MICU1: variants seen among roughly 807,000 people sequenced by gnomAD.
MICU1 encodes the protein mitochondrial calcium uptake 1.
A neutral mutation model predicts 56.8 loss-of-function variants in MICU1; 45 were observed. The observed-to-expected ratio is 0.79, with a 90% confidence interval of 0.62 to 1.02. The LOEUF is 1.02. Among genes scored for constraint, MICU1 ranks in the 50% least tolerant of loss-of-function variants. MICU1 has a pLI of 0.00. For missense variants in MICU1, 504 were observed against 587.1 expected (o/e 0.86, Z 1.46); for synonymous variants, 186 against 195.1 (o/e 0.95, Z 0.39).
chr10:72,513,491 TCTC>T (rs1867548686), intron 5 of MICU1, among the ~76,000 whole-genome samples: 1 of 152,224 alleles, frequency 6.6e-6, no homozygotes, highest in African/African-American at 2.4e-5. Flanking sequence ...GCAAATATTT[TCTC>T]CTATTCTGTG....
At chr10:72,518,639 A>G (rs1344666023) in intron 5 of MICU1, among the ~76,000 whole-genome samples, 1 of 152,208 alleles carries the variant, frequency 6.6e-6, no homozygotes, top group African/African-American at 2.4e-5. Context: ...GACTCTACCA[A>G]TCCTTCAGTA....
intron 8 of MICU1, among the ~76,000 whole-genome samples, 176 bp from the exon 9 acceptor site, chr10:72,423,547 A>G (rs909418367): frequency 5.9e-5 from 9 of 152,218 alleles, no homozygotes; most frequent in Non-Finnish European, 1.3e-4. Flanking sequence ...ATAGGTTCTT[A>G]TCCCAGATCT....
At chr10:72,619,249 C>T (rs186386550) in intron 1 of MICU1, among the ~76,000 whole-genome samples, 26 of 152,032 alleles carry the variant, frequency 1.7e-4, no homozygotes, top group African/African-American at 6.0e-4. Context: ...TTGAGACCAT[C>T]CTGGCTAACA....
At chr10:72,621,040 T>C (rs1055246456) in intron 1 of MICU1, among the ~76,000 whole-genome samples, 1 of 151,964 alleles carries the variant, frequency 6.6e-6, no homozygotes, top group African/African-American at 2.4e-5. Context: ...CTGGGCAACA[T>C]AGTGAGACCC....
intron 6 of MICU1, among the ~76,000 whole-genome samples, chr10:72,491,726 C>CAT (rs1866660984): frequency 6.6e-6 from 1 of 152,088 alleles, no homozygotes; most frequent in Admixed American, 6.5e-5. Flanking sequence ...ACTCTAGGTA[C>CAT]ATACATACAT....
chr10:72,447,897 C>T (rs1865155122), intron 8 of MICU1, among the ~76,000 whole-genome samples: 1 of 151,964 alleles, frequency 6.6e-6, no homozygotes, highest in Non-Finnish European at 1.5e-5. Context: ...AAATTTCTGC[C>T]TACACTAAAA....
At chr10:72,535,062 C>T (rs955991726) in intron 4 of MICU1, among the ~76,000 whole-genome samples, 2 of 53,922 alleles carry the variant, frequency 3.7e-5, no homozygotes, top group African/African-American at 1.2e-4. Flanking sequence ...CAGAGTCTTG[C>T]TCTGTCACCC....
At chr10:72,408,370 A>G (rs1026853617) in intron 9 of MICU1, among the ~76,000 whole-genome samples, 2 of 152,056 alleles carry the variant, frequency 1.3e-5, no homozygotes, top group Non-Finnish European at 2.9e-5. Flanking sequence ...GCGTAATGGC[A>G]TGATCTCAGC....
chr10:72,514,743 C>T (rs1867593642), intron 5 of MICU1, among the ~76,000 whole-genome samples: 1 of 152,164 alleles, frequency 6.6e-6, no homozygotes, highest in African/African-American at 2.4e-5. Context: ...CCTTAAGATT[C>T]CGGCTTGCAT....
chr10:72,400,515 G>GCAGGCGGATCACCTGAGGT (rs1863416483), intron 10 of MICU1, among the ~76,000 whole-genome samples: 1 of 152,070 alleles, frequency 6.6e-6, no homozygotes, highest in Admixed American at 6.6e-5. Context: ...GGAGGCTAAG[G>GCAGGCGGATCACCTGAGGT]CAGGCGGATC....
At chr10:72,424,264 C>T (rs966248570) in intron 8 of MICU1, among the ~76,000 whole-genome samples, 6 of 152,170 alleles carry the variant, frequency 3.9e-5, no homozygotes, top group Middle Eastern at 6.8e-3. Flanking sequence ...AGGTGCACAC[C>T]ACCACGCCTG....
At chr10:72,401,993 T>TAA (rs113287469) in intron 10 of MICU1, among the ~76,000 whole-genome samples, 1 of 151,198 alleles carries the variant, frequency 6.6e-6, no homozygotes, top group African/African-American at 2.4e-5. Flanking sequence ...AGGAATCCGC[T>TAA]AAAAAAAAAT....
intron 6 of MICU1, among the ~76,000 whole-genome samples, chr10:72,479,095 T>C (rs1418870181): frequency 6.6e-6 from 1 of 152,234 alleles, no homozygotes; most frequent in South Asian, 2.1e-4. Context: ...TTTGACTTCA[T>C]ACTCTCAATC....
chr10:72,582,646 G>A (rs1443781193), intron 1 of MICU1, among the ~76,000 whole-genome samples: 1 of 152,070 alleles, frequency 6.6e-6, no homozygotes, highest in African/African-American at 2.4e-5. Context: ...TGGGCATGGT[G>A]GCACAAGCCT....
intron 3 of MICU1, among the ~76,000 whole-genome samples, chr10:72,555,712 G>A (rs979923087): frequency 3.3e-5 from 5 of 152,146 alleles, no homozygotes; most frequent in Non-Finnish European, 5.9e-5. Context: ...GACCATGGAT[G>A]GAAGATTAGA....
At chr10:72,533,962 A>G (rs745733359) in intron 4 of MICU1, among the ~76,000 whole-genome samples, 173 bp from the exon 5 acceptor site, 9 of 152,292 alleles carry the variant, frequency 5.9e-5, no homozygotes, top group Non-Finnish European at 1.0e-4. Flanking sequence ...TGTGAGTGCT[A>G]AGAGATACCA....
At chr10:72,569,239 T>TA (rs1564939851) in intron 1 of MICU1, among the ~76,000 whole-genome samples, 8 of 67,952 alleles carry the variant, frequency 1.2e-4, no homozygotes, top group African/African-American at 4.2e-4. Flanking sequence ...ATATATATAT[T>TA]TTTTTTTTTT....
chr10:72,550,478 A>G (rs1446241280), intron 4 of MICU1, among the ~76,000 whole-genome samples: 1 of 152,224 alleles, frequency 6.6e-6, no homozygotes, highest in Non-Finnish European at 1.5e-5. Flanking sequence ...GTGACGGTAC[A>G]ATCAATTCTT....
chr10:72,432,081 T>C (rs1283031470), intron 8 of MICU1, among the ~76,000 whole-genome samples: 1 of 147,094 alleles, frequency 6.8e-6, no homozygotes, highest in South Asian at 2.1e-4. Context: ...TTTGTTAATG[T>C]ATTGCCTTTT....
Sources: allele counts gnomAD v4.1 joint callset (sites outside exome capture counted in the v4.1 genomes callset), GRCh38; gene constraint gnomAD v4.1.1; transcripts MANE v1.5; gene names NCBI Gene and HGNC (gene_info 2026-07-23, HGNC 2026-07-21).